MAP2: variants seen among roughly 807,000 people sequenced by gnomAD.
MAP2 encodes microtubule associated protein 2.
In MAP2, 14 loss-of-function variants were observed where a neutral mutation model predicts 137.6. That is an observed-to-expected ratio of 0.10 (90% CI 0.07 to 0.16). The LOEUF is 0.16. Ranked by LOEUF, MAP2 falls within the 10% of genes least tolerant of loss-of-function variation. The pLI is 1.00. For synonymous variants in MAP2, 786 were observed against 782.3 expected, an observed-to-expected ratio of 1.00 and a Z score of -0.08; for missense variants, 2,088 against 2,191.5, an observed-to-expected ratio of 0.95 and a Z score of 0.94.
Position 209,697,004 on chromosome 2 carries a change from A to T in MAP2, c.4475A>T (p.Lys1492Ile), listed in dbSNP as rs1317193884. Residue 1492 changes from lysine to isoleucine, a missense_variant, in exon 10 of 16, where the codon AAA (lysine) becomes ATA (isoleucine). Lys to Ile is a moderately radical substitution (Grantham distance 102). This residue lies in a region of MAP2 where 591 missense variants were observed against 642.6 expected (regional missense o/e 0.92). Transcript: ENST00000682079. The stretch of plus-strand genomic sequence containing the variant: ...AAATTCATTTTAAAACCTGCTATCA[A>T]ATATACTAGACCAACTCATCTCTCC... ...SRKFILKPAI[K>I]YTRPTHLSCV... The T allele has an allele frequency of 6.8e-6, 11 of 1,613,312 alleles. No homozygotes were observed. The highest frequency in any genetic ancestry group is 2.2e-5 in the South Asian group (2 of 90,946).
chr2:209,490,604 G>GTAAAA (rs2058966518), intron 1 of MAP2, among the ~76,000 whole-genome samples: 1 of 1,686 alleles, frequency 5.9e-4, no homozygotes, highest in Non-Finnish European at 1.1e-3. Flanking sequence ...CAAATGGAAA[G>GTAAAA]CAAAAAAAAA....
At chr2:209,487,220 G>A (rs1188764919) in intron 1 of MAP2, among the ~76,000 whole-genome samples, 1 of 152,174 alleles carries the variant, frequency 6.6e-6, no homozygotes, top group African/African-American at 2.4e-5. Context: ...TCACCCGAGA[G>A]AAAGCCTCTG....
chr2:209,611,965 A>G (rs1363427572), intron 3 of MAP2, among the ~76,000 whole-genome samples: 1 of 152,170 alleles, frequency 6.6e-6, no homozygotes, highest in African/African-American at 2.4e-5. Flanking sequence ...CCAAAAATAA[A>G]TAAGTGGATA....
chr2:209,675,296 G>A (rs2050820900), intron 5 of MAP2, among the ~76,000 whole-genome samples: 1 of 151,614 alleles, frequency 6.6e-6, no homozygotes, highest in African/African-American at 2.4e-5. Context: ...TTGTTCATGA[G>A]TTCTAATTCC....
In MAP2 at chr2:209,512,371, G is replaced by A. The variant is rs113326237; in HGVS notation, c.-172+4730G>A. On this transcript the variant is annotated intron_variant, in intron 2 of 15. Coordinates refer to ENST00000682079, the MANE Select transcript of MAP2 (RefSeq NM_001375505.1). ...TGGGGATTGCTAAATAAATAGGAGT[G>A]TTTGTTCCATTGATCCTTGAAAACA... Among the ~76,000 whole-genome samples the A allele has an allele frequency of 2.6e-5, 4 of 151,414 alleles. No homozygotes were observed. The South Asian group carries it at 8.3e-4, about 32-fold the overall frequency.
intron 2 of MAP2, among the ~76,000 whole-genome samples, chr2:209,547,029 T>C (rs191337517): frequency 3.7e-4 from 57 of 152,194 alleles, no homozygotes; most frequent in African/African-American, 1.3e-3. Flanking sequence ...GGAAAGAAAA[T>C]AGAATTCTCA....
At chr2:209,672,755 G>A (rs545826974) in intron 5 of MAP2, among the ~76,000 whole-genome samples, 1 of 152,000 alleles carries the variant, frequency 6.6e-6, no homozygotes, top group South Asian at 2.1e-4. Context: ...AACAAGAAAT[G>A]AAAGTGCCTA....
chr2:209,435,956 CAGTATATATTATATATAAT>C (rs1559159175), intron 1 of MAP2, among the ~76,000 whole-genome samples: 1 of 138,228 alleles, frequency 7.2e-6, no homozygotes, highest in Non-Finnish European at 1.5e-5. Context: ...ACTATATATA[CAGTATATATTATATATAAT>C]ATATACAGTA....
chr2:209,486,229 G>A (rs1309119842), intron 1 of MAP2, among the ~76,000 whole-genome samples: 2 of 127,842 alleles, frequency 1.6e-5, no homozygotes, highest in East Asian at 5.0e-4. Context: ...ATTTGCTTGG[G>A]AAATCTTTTC....
At chr2:209,607,517 C>T (rs1031929446) in intron 3 of MAP2, among the ~76,000 whole-genome samples, 9 of 152,190 alleles carry the variant, frequency 5.9e-5, no homozygotes, top group Admixed American at 2.0e-4. Flanking sequence ...TCATTGCAAC[C>T]GCTGCCTCCT....
At chr2:209,517,593 A>T (rs981256955) in intron 2 of MAP2, among the ~76,000 whole-genome samples, 3 of 152,004 alleles carry the variant, frequency 2.0e-5, no homozygotes, top group African/African-American at 7.2e-5. Context: ...CTATCTCGTA[A>T]AGCCCACATT....
At chr2:209,566,524 C>T (rs1260772671) in intron 2 of MAP2, among the ~76,000 whole-genome samples, 1 of 152,166 alleles carries the variant, frequency 6.6e-6, no homozygotes, top group African/African-American at 2.4e-5. Context: ...AGCTCTTCAT[C>T]CTCCAACTCT....
At chr2:209,707,957 A>C (rs921927794) in intron 12 of MAP2, among the ~76,000 whole-genome samples, 2 of 152,128 alleles carry the variant, frequency 1.3e-5, no homozygotes, top group African/African-American at 2.4e-5. Context: ...CCCTCAGCAC[A>C]CTTTGATGAA....
chr2:209,709,213 A>G (rs183617998), intron 12 of MAP2, among the ~76,000 whole-genome samples: 167 of 152,302 alleles, frequency 1.1e-3, no homozygotes, highest in Non-Finnish European at 1.8e-3. Context: ...ATCAGGTACG[A>G]GGCTCACTGG....
chr2:209,502,339 A>G (rs1438448266), intron 1 of MAP2, among the ~76,000 whole-genome samples: 2 of 152,156 alleles, frequency 1.3e-5, no homozygotes, highest in Admixed American at 1.3e-4. Context: ...GAGATTATGC[A>G]GTATTTTTCT....
intron 1 of MAP2, among the ~76,000 whole-genome samples, chr2:209,469,739 A>T (rs1186173406): frequency 6.6e-6 from 1 of 152,170 alleles, no homozygotes; most frequent in Non-Finnish European, 1.5e-5. Context: ...TCAGGCTAAG[A>T]ATTACCTAAG....
At chr2:209,625,672 T>C (rs2092182284) in intron 4 of MAP2, among the ~76,000 whole-genome samples, 3 of 152,124 alleles carry the variant, frequency 2.0e-5, no homozygotes, top group Admixed American at 2.0e-4. Flanking sequence ...AGTAGTTTCA[T>C]GTTGTGGTAG....
intron 3 of MAP2, among the ~76,000 whole-genome samples, chr2:209,588,485 C>T (rs942814268): frequency 7.2e-5 from 11 of 152,110 alleles, no homozygotes; most frequent in Non-Finnish European, 1.6e-4. Context: ...AAAAGATACT[C>T]CATTTAATGC....
intron 7 of MAP2, among the ~76,000 whole-genome samples, chr2:209,691,258 C>T (rs2058805024): frequency 6.6e-6 from 1 of 151,824 alleles, no homozygotes. Flanking sequence ...TGGATTTTGG[C>T]ACATAGAGGC....
Sources: allele counts gnomAD v4.1 joint callset (sites outside exome capture counted in the v4.1 genomes callset), GRCh38; gene constraint gnomAD v4.1.1; regional missense constraint gnomAD v4.1.1; transcripts MANE v1.5; gene names NCBI Gene and HGNC (gene_info 2026-07-23, HGNC 2026-07-21).